MDGA2: variants seen among roughly 807,000 people sequenced by gnomAD.
MDGA2 encodes the protein MAM domain containing glycosylphosphatidylinositol anchor 2, also known as MAM domain-containing glycosylphosphatidylinositol anchor protein 2.
In MDGA2, 40 loss-of-function variants were observed where a neutral mutation model predicts 117.8. The ratio of observed to expected loss-of-function variants is 0.34; its 90% confidence interval spans 0.26 to 0.44. MDGA2 has a LOEUF of 0.44. MDGA2 is among the 20% of genes least tolerant of loss of function. MDGA2 has a pLI of 1.00. For missense variants in MDGA2, 1,123 were observed against 1,250.6 expected (o/e 0.90, Z 1.54); for synonymous variants, 452 against 439.0 (o/e 1.03, Z -0.37).
At position 47,291,790 on chromosome 14, in the gene MDGA2, A is replaced by C. The variant is rs115201129; in HGVS notation, c.420+9621T>G. Reference sequence around the variant, plus strand: ...TCTGCTGAATGCTTATGACTTTTGCACCATTGTAAAGTTGAACAATCATGT... The same window carrying C: ...TCTGCTGAATGCTTATGACTTTTGCCCCATTGTAAAGTTGAACAATCATGT... On this transcript the variant is annotated intron_variant, in intron 2 of 16. Coordinates refer to ENST00000399232, the MANE Select transcript of MDGA2 (RefSeq NM_001113498.3). Among the ~76,000 whole-genome samples, 1,462 of 152,298 alleles carry C rather than the reference A, an allele frequency of 9.6e-3. 26 individuals are homozygous for C. The highest frequency in any genetic ancestry group is 0.034 in the African/African-American group (1,402 of 41,568).
chr14:46,923,256 T>C (rs1884202037), intron 9 of MDGA2, among the ~76,000 whole-genome samples: 1 of 152,208 alleles, frequency 6.6e-6, no homozygotes, highest in African/African-American at 2.4e-5. Context: ...CTTTCCAATG[T>C]ATTTTTTTAA....
intron 4 of MDGA2, among the ~76,000 whole-genome samples, chr14:47,138,151 G>A (rs1458932493): frequency 6.6e-6 from 1 of 152,098 alleles, no homozygotes; most frequent in African/African-American, 2.4e-5. Flanking sequence ...TGGCATATAT[G>A]TATACCTGTG....
chr14:47,039,458 A>G (rs1046052806), intron 7 of MDGA2, among the ~76,000 whole-genome samples: 2 of 152,156 alleles, frequency 1.3e-5, no homozygotes, highest in African/African-American at 2.4e-5. Context: ...CAGTTTTCTC[A>G]GTAGAAGTCA....
intron 2 of MDGA2, among the ~76,000 whole-genome samples, chr14:47,246,341 T>C (rs1354349689): frequency 6.6e-6 from 1 of 151,766 alleles, no homozygotes; most frequent in Non-Finnish European, 1.5e-5. Context: ...CACCCATTTC[T>C]AACATCACCA....
intron 2 of MDGA2, among the ~76,000 whole-genome samples, chr14:47,226,424 T>C (rs1403267987): frequency 6.6e-6 from 1 of 152,050 alleles, no homozygotes; most frequent in Admixed American, 6.5e-5. Flanking sequence ...TTAAAGCAGA[T>C]AGCAATAGGT....
intron 3 of MDGA2, among the ~76,000 whole-genome samples, chr14:47,159,620 CT>C (rs1420817193): frequency 6.6e-6 from 1 of 152,098 alleles, no homozygotes; most frequent in Admixed American, 6.5e-5. Flanking sequence ...CCGTAACAGG[CT>C]TTTTTGCTCT....
chr14:46,896,492 G>A (rs1048538587), intron 10 of MDGA2, among the ~76,000 whole-genome samples: 2 of 151,766 alleles, frequency 1.3e-5, no homozygotes, highest in African/African-American at 4.8e-5. Context: ...ATGTTGGCAC[G>A]AAAAAAGTAA....
At chr14:47,143,687 T>C (rs1383379124) in intron 4 of MDGA2, among the ~76,000 whole-genome samples, 2 of 152,174 alleles carry the variant, frequency 1.3e-5, no homozygotes, top group Non-Finnish European at 2.9e-5. Flanking sequence ...AACAAGTTTC[T>C]TCATTTTTTT....
At chr14:47,164,871 A>G (rs1231564694) in intron 3 of MDGA2, among the ~76,000 whole-genome samples, 1 of 152,210 alleles carries the variant, frequency 6.6e-6, no homozygotes, top group Non-Finnish European at 1.5e-5. Context: ...ACAATGATAG[A>G]CTGGATTGAG....
intron 3 of MDGA2, among the ~76,000 whole-genome samples, chr14:47,214,884 T>C (rs963399620): frequency 6.6e-6 from 1 of 152,174 alleles, no homozygotes; most frequent in African/African-American, 2.4e-5. Flanking sequence ...TTATGTGTTA[T>C]TATACATCAA....
intron 2 of MDGA2, among the ~76,000 whole-genome samples, chr14:47,267,184 T>A (rs1400961454): frequency 1.3e-5 from 2 of 152,158 alleles, no homozygotes; most frequent in African/African-American, 4.8e-5. Context: ...TAAAAGCTAT[T>A]TTGACCTCTC....
intron 3 of MDGA2, among the ~76,000 whole-genome samples, chr14:47,213,016 A>G (rs1347744566): frequency 1.3e-5 from 2 of 152,146 alleles, no homozygotes; most frequent in East Asian, 3.9e-4. Context: ...ATTAACTTCA[A>G]TATCTTCCTA....
intron 9 of MDGA2, among the ~76,000 whole-genome samples, chr14:46,939,298 T>G (rs1271417845): frequency 1.3e-5 from 2 of 152,182 alleles, no homozygotes; most frequent in Non-Finnish European, 2.9e-5. Flanking sequence ...AATAAATGTT[T>G]GAGATAGTAG....
rs555168105 is a variant in MDGA2, at chr14:47,641,752, G to C, written c.280+32765C>G. Among the ~76,000 whole-genome samples, 36 of 152,240 alleles carry C rather than the reference G, an allele frequency of 2.4e-4. No homozygotes were observed. The South Asian group carries it at 7.0e-3, about 30-fold the overall frequency. The stretch of plus-strand genomic sequence containing the variant: ...TGATATTAAATAATTAGAAAGTTTT[G>C]CTGTAATACCTCATCTGCATGTAAT... On this transcript the variant is annotated intron_variant, in intron 1 of 16. Transcript: ENST00000399232.
chr14:46,913,516 G>A (rs1883784835), intron 10 of MDGA2, among the ~76,000 whole-genome samples: 4 of 152,076 alleles, frequency 2.6e-5, no homozygotes, highest in Admixed American at 6.6e-5. Flanking sequence ...TAACTGGAAG[G>A]AGAAATAAGC....
intron 1 of MDGA2, among the ~76,000 whole-genome samples, chr14:47,419,999 G>T (rs188029312): frequency 6.6e-6 from 1 of 152,198 alleles, no homozygotes; most frequent in Admixed American, 6.5e-5. Context: ...TACTAAAAAT[G>T]ATCCAAGTAA....
intron 1 of MDGA2, among the ~76,000 whole-genome samples, chr14:47,346,624 T>C (rs1890768282): frequency 6.6e-6 from 1 of 152,336 alleles, no homozygotes; most frequent in Non-Finnish European, 1.5e-5. Context: ...GAGAATACTT[T>C]ACATATTAGA....
intron 7 of MDGA2, among the ~76,000 whole-genome samples, chr14:47,042,962 A>G (rs938842556): frequency 2.6e-5 from 4 of 152,160 alleles, no homozygotes; most frequent in Non-Finnish European, 5.9e-5. Context: ...TACAAAATTT[A>G]TAAGAACACC....
chr14:46,869,039 CCT>C (rs1881890635), intron 14 of MDGA2, among the ~76,000 whole-genome samples: 1 of 151,922 alleles, frequency 6.6e-6, no homozygotes, highest in Admixed American at 6.6e-5. Context: ...CTTTTTATTA[CCT>C]CTTTTTCCTC....
Sources: gnomAD v4.1 joint callset for allele counts (sites outside exome capture counted in the v4.1 genomes callset) on GRCh38, gnomAD v4.1.1 for gene constraint, MANE v1.5 for transcripts, NCBI Gene and HGNC (gene_info 2026-07-23, HGNC 2026-07-21) for gene names.